The following LRRC4C variants were observed in gnomAD, a reference collection of about 807,000 sequenced individuals.
LRRC4C encodes leucine-rich repeat-containing protein 4C.
LRRC4C carries 5 observed loss-of-function variants against 33.6 expected under a neutral mutation model. The ratio of observed to expected loss-of-function variants is 0.15; its 90% confidence interval spans 0.08 to 0.31. The LOEUF is 0.31. Ranked by LOEUF, LRRC4C falls within the 10% of genes least tolerant of loss-of-function variation. The pLI is 1.00. For missense variants in LRRC4C, 560 were observed against 796.7 expected (o/e 0.70, Z 3.58); for synonymous variants, 329 against 302.0 (o/e 1.09, Z -0.93).
At chr11:40,389,413 C>T (rs1949247845) in intron 3 of LRRC4C, among the ~76,000 whole-genome samples, 1 of 150,838 alleles carries the variant, frequency 6.6e-6, no homozygotes, top group Admixed American at 6.6e-5. Context: ...TACTACAGGG[C>T]AAAAAAGTTT....
At chr11:40,791,193 T>C (rs934173880) in intron 2 of LRRC4C, among the ~76,000 whole-genome samples, 1 of 152,186 alleles carries the variant, frequency 6.6e-6, no homozygotes, top group Non-Finnish European at 1.5e-5. Flanking sequence ...TAAAGTTCAG[T>C]TGGCTATTTG....
intron 1 of LRRC4C, among the ~76,000 whole-genome samples, chr11:41,285,745 G>A (rs921843277): frequency 3.3e-5 from 5 of 152,136 alleles, no homozygotes; most frequent in African/African-American, 1.2e-4. Flanking sequence ...CTTAAAAAAA[G>A]ACTAAATTAT....
At chr11:40,156,698 T>C (rs1029093767) in intron 5 of LRRC4C, among the ~76,000 whole-genome samples, 1 of 151,162 alleles carries the variant, frequency 6.6e-6, no homozygotes, top group Non-Finnish European at 1.5e-5. Context: ...ACTTAGAATA[T>C]ACCTAACCAA....
intron 3 of LRRC4C, among the ~76,000 whole-genome samples, chr11:40,407,635 C>T (rs922797736): frequency 6.6e-5 from 10 of 152,042 alleles, no homozygotes; most frequent in African/African-American, 2.4e-4. Context: ...ATTTAATCTC[C>T]TGTTCTAGCT....
At chr11:40,224,236 T>G (rs1864625137) in intron 5 of LRRC4C, among the ~76,000 whole-genome samples, 1 of 152,252 alleles carries the variant, frequency 6.6e-6, no homozygotes, top group African/African-American at 2.4e-5. Flanking sequence ...ATTAAAATCC[T>G]TATTATATAA....
chr11:40,283,057 C>T (rs1232360594), intron 4 of LRRC4C, among the ~76,000 whole-genome samples: 1 of 152,180 alleles, frequency 6.6e-6, no homozygotes. Flanking sequence ...AACTGTGAGG[C>T]ATGTGCAATG....
At chr11:40,940,100 C>A (rs1174578475) in intron 1 of LRRC4C, among the ~76,000 whole-genome samples, 2 of 151,998 alleles carry the variant, frequency 1.3e-5, no homozygotes, top group African/African-American at 4.8e-5. Context: ...ACATATAATA[C>A]CTGCTGTTAC....
intron 1 of LRRC4C, among the ~76,000 whole-genome samples, chr11:41,349,116 A>G (rs1951893002): frequency 6.6e-6 from 1 of 152,108 alleles, no homozygotes; most frequent in Non-Finnish European, 1.5e-5. Context: ...TTTTCCCAGC[A>G]TCCCTGCCTG....
intron 1 of LRRC4C, among the ~76,000 whole-genome samples, chr11:41,148,728 A>G (rs1221909713): frequency 1.3e-5 from 2 of 152,030 alleles, no homozygotes; most frequent in Non-Finnish European, 2.9e-5. Flanking sequence ...TTTGGATTCT[A>G]TTCACATCAC....
intron 1 of LRRC4C, among the ~76,000 whole-genome samples, chr11:41,036,291 T>C (rs1857059145): frequency 6.6e-6 from 1 of 152,152 alleles, no homozygotes; most frequent in African/African-American, 2.4e-5. Context: ...TGCTAGGCAA[T>C]GATTAAAAAG....
chr11:40,370,647 G>C (rs2137255130), intron 3 of LRRC4C, among the ~76,000 whole-genome samples: 1 of 152,164 alleles, frequency 6.6e-6, no homozygotes, highest in African/African-American at 2.4e-5. Context: ...AGATTGAGAG[G>C]GCTTCTTTCA....
At chr11:40,438,257 T>C (rs565762742) in intron 3 of LRRC4C, among the ~76,000 whole-genome samples, 3 of 152,352 alleles carry the variant, frequency 2.0e-5, no homozygotes, top group Admixed American at 1.3e-4. Context: ...TCTCATCTTC[T>C]GCAAACATTT....
intron 4 of LRRC4C, among the ~76,000 whole-genome samples, chr11:40,284,796 A>G (rs1289407175): frequency 6.6e-6 from 1 of 151,776 alleles, no homozygotes; most frequent in Non-Finnish European, 1.5e-5. Flanking sequence ...TTAAGGAGTT[A>G]AAAAAAATAT....
intron 1 of LRRC4C, among the ~76,000 whole-genome samples, chr11:41,349,742 CA>C (rs1951913594): frequency 6.6e-6 from 1 of 152,164 alleles, no homozygotes. Context: ...AGAACTCCGG[CA>C]ACTCTAAATG....
chr11:40,295,250 C>T (rs954549473), intron 4 of LRRC4C, among the ~76,000 whole-genome samples: 35 of 152,048 alleles, frequency 2.3e-4, no homozygotes, highest in African/African-American at 8.2e-4. Context: ...TGGGCATTCA[C>T]TTTATGTCAT....
chr11:40,200,018 G>C (rs374988153), intron 5 of LRRC4C, among the ~76,000 whole-genome samples: 8 of 151,894 alleles, frequency 5.3e-5, no homozygotes, highest in African/African-American at 1.9e-4. Flanking sequence ...TCATTCTGTG[G>C]CTGTCTCAGT....
intron 6 of LRRC4C, among the ~76,000 whole-genome samples, chr11:40,121,115 T>C (rs7930525): frequency 0.59 from 89,975 of 151,964 alleles, 28,105 homozygotes; most frequent in Non-Finnish European, 0.7. Flanking sequence ...ATATCGCTTA[T>C]TCAAATTTGT....
intron 2 of LRRC4C, among the ~76,000 whole-genome samples, chr11:40,696,095 G>GTATA (rs150296016): frequency 0.013 from 1,875 of 139,094 alleles, 33 homozygotes; most frequent in South Asian, 0.034. Flanking sequence ...ATGAGTGTGT[G>GTATA]TATATATATA....
intron 1 of LRRC4C, among the ~76,000 whole-genome samples, chr11:41,127,483 T>A (rs1187125601): frequency 1.3e-5 from 2 of 152,110 alleles, no homozygotes; most frequent in Non-Finnish European, 2.9e-5. Flanking sequence ...TTCTTTGTTT[T>A]TGCTTTTGGT....
Sources: allele counts gnomAD v4.1 joint callset (sites outside exome capture counted in the v4.1 genomes callset), GRCh38; gene constraint gnomAD v4.1.1; transcripts MANE v1.5; gene names NCBI Gene and HGNC (gene_info 2026-07-23, HGNC 2026-07-21).